MTUS2: variants seen among roughly 807,000 people sequenced by gnomAD.
The protein encoded by MTUS2 is microtubule-associated tumor suppressor candidate 2.
A neutral mutation model predicts 114.1 loss-of-function variants in MTUS2; 40 were observed. The observed-to-expected ratio is 0.35, with a 90% CI of 0.27 to 0.46. The LOEUF (loss-of-function observed/expected upper bound fraction) is 0.46. Ranked by LOEUF, MTUS2 falls within the 20% of genes least tolerant of loss-of-function variation. The pLI, the probability that MTUS2 is intolerant of heterozygous loss-of-function variation, is 1.00. For missense variants in MTUS2, 1,679 were observed against 1,705.4 expected, an observed-to-expected ratio of 0.98 and a Z score of 0.27; for synonymous variants, 688 against 672.0, an observed-to-expected ratio of 1.02 and a Z score of -0.37.
At chr13:29,006,138 C>T (rs1056476522) in intron 2 of MTUS2, among the ~76,000 whole-genome samples, 1 of 152,078 alleles carries the variant, frequency 6.6e-6, no homozygotes, top group African/African-American at 2.4e-5. Context: ...GGTAGGTGGA[C>T]GTGGAGCAGC....
intron 2 of MTUS2, among the ~76,000 whole-genome samples, chr13:28,998,312 C>A (rs1885214310): frequency 6.6e-6 from 1 of 152,202 alleles, no homozygotes; most frequent in Non-Finnish European, 1.5e-5. Flanking sequence ...TTCTCTCTGG[C>A]TGCCCTTAAC....
intron 5 of MTUS2, among the ~76,000 whole-genome samples, chr13:29,164,726 G>A (rs1448676725): frequency 6.6e-6 from 1 of 152,132 alleles, no homozygotes; most frequent in African/African-American, 2.4e-5. Context: ...AAGAAAAATG[G>A]TGGGTGATTT....
At chr13:28,913,750 T>C (rs1288713286) in intron 2 of MTUS2, among the ~76,000 whole-genome samples, 1 of 151,708 alleles carries the variant, frequency 6.6e-6, no homozygotes, top group African/African-American at 2.4e-5. Flanking sequence ...GGTCCTGGGC[T>C]TTTTTTTGGT....
At chr13:29,394,715 G>A (rs903765715) in intron 8 of MTUS2, among the ~76,000 whole-genome samples, 7 of 152,196 alleles carry the variant, frequency 4.6e-5, no homozygotes, top group Admixed American at 2.0e-4. Flanking sequence ...GGCTAACAGC[G>A]GGAGGTGTGC....
intron 8 of MTUS2, among the ~76,000 whole-genome samples, chr13:29,384,602 C>G (rs1872510996): frequency 6.6e-6 from 1 of 152,188 alleles, no homozygotes; most frequent in Admixed American, 6.5e-5. Flanking sequence ...TCATGATTAC[C>G]AAGGACCGTG....
intron 5 of MTUS2, among the ~76,000 whole-genome samples, chr13:29,219,788 T>G (rs554468120): frequency 6.2e-4 from 94 of 152,342 alleles, no homozygotes; most frequent in African/African-American, 2.2e-3. Context: ...GGAACCCACC[T>G]CTGCCAACTT....
chr13:29,505,818 G>T lies in MTUS2; in HGVS notation c.*2612G>T. 1 of 229,822 alleles carries T rather than the reference G, an allele frequency of 4.4e-6. No individual in the cohort carries two copies. Among genetic ancestry groups the T allele is most frequent in the African/African-American group, 2.2e-5 (1 of 45,188 alleles). 14.2% of individuals were successfully genotyped at this position (229,822 alleles called of 1,614,324 possible). ...TCTGGCTGGATGTCAGAATGGATGGGGGTGGGGGCAGCCCTGGCCGTGATT... is the reference window on the plus strand; with the variant it reads ...TCTGGCTGGATGTCAGAATGGATGGTGGTGGGGGCAGCCCTGGCCGTGATT... On this transcript the variant is annotated 3_prime_UTR_variant, in exon 16 of 16. Transcript: ENST00000612955.
chr13:29,213,737 T>C (rs1362657020), intron 5 of MTUS2, among the ~76,000 whole-genome samples: 1 of 152,204 alleles, frequency 6.6e-6, no homozygotes, highest in Non-Finnish European at 1.5e-5. Flanking sequence ...GTAGGCTTCT[T>C]ATAGGCCATA....
chr13:29,233,749 A>G (rs1306250743), intron 5 of MTUS2, among the ~76,000 whole-genome samples: 2 of 152,238 alleles, frequency 1.3e-5, no homozygotes, highest in South Asian at 2.1e-4. Context: ...TAAATCTAAC[A>G]TATCACCTGG....
At chr13:29,445,839 C>A (rs1360092307) in intron 9 of MTUS2, among the ~76,000 whole-genome samples, 1 of 151,550 alleles carries the variant, frequency 6.6e-6, no homozygotes, top group Non-Finnish European at 1.5e-5. Context: ...ACCTGGGAGG[C>A]GGATGTTGCA....
Position 29,084,526 on chromosome 13 carries a change from T to TC in MTUS2, c.2447-16246dup, listed in dbSNP as rs1356903723. 1.7e-3 allele frequency among the ~76,000 whole-genome samples: 75 copies of TC among 44,100 alleles called. 1 individual carries two copies. In the South Asian group the frequency reaches 0.023, roughly 13 times the overall value. 28.9% of individuals were successfully genotyped at this position (44,100 alleles called of 152,430 possible). Reference sequence around the variant, plus strand: ...CTTTTTCCTTTCCCCTCCCCTCCCCTCTCCCCCCCTTCTTTTCTTCTTTCC... The same window carrying TC: ...CTTTTTCCTTTCCCCTCCCCTCCCCTCCTCCCCCCCTTCTTTTCTTCTTTCC... On this transcript the variant is annotated intron_variant, in intron 4 of 15. Coordinates refer to ENST00000612955, the MANE Select transcript of MTUS2 (RefSeq NM_001033602.4).
At chr13:28,908,328 T>G (rs1385506339) in intron 2 of MTUS2, among the ~76,000 whole-genome samples, 2 of 151,334 alleles carry the variant, frequency 1.3e-5, no homozygotes, top group African/African-American at 4.9e-5. Flanking sequence ...TGGGTGATGT[T>G]CCCCTTCCTG....
chr13:29,185,982 G>T (rs1894207388), intron 5 of MTUS2, among the ~76,000 whole-genome samples: 1 of 152,138 alleles, frequency 6.6e-6, no homozygotes, highest in Admixed American at 6.5e-5. Flanking sequence ...TGAGGCAGGA[G>T]AATCACTTGA....
intron 2 of MTUS2, among the ~76,000 whole-genome samples, chr13:28,913,222 C>A (rs1471982157): frequency 6.6e-6 from 1 of 152,092 alleles, no homozygotes; most frequent in Non-Finnish European, 1.5e-5. Flanking sequence ...CAGCTTTTGC[C>A]CATTTAATAT....
chr13:29,315,803 G>A (rs1899964552), intron 6 of MTUS2, among the ~76,000 whole-genome samples: 1 of 152,224 alleles, frequency 6.6e-6, no homozygotes, highest in African/African-American at 2.4e-5. Context: ...ATGGTGTGGG[G>A]AAAGGGATTA....
At chr13:29,404,544 C>G (rs1170908409) in intron 8 of MTUS2, among the ~76,000 whole-genome samples, 1 of 152,118 alleles carries the variant, frequency 6.6e-6, no homozygotes, top group African/African-American at 2.4e-5. Flanking sequence ...AACCTCATCC[C>G]TCTCCACAGA....
intron 2 of MTUS2, among the ~76,000 whole-genome samples, chr13:28,964,870 C>T (rs1313766032): frequency 6.6e-6 from 1 of 151,560 alleles, no homozygotes; most frequent in Non-Finnish European, 1.5e-5. Flanking sequence ...CGTTCCCGAG[C>T]TCAACTCTGC....
chr13:29,104,802 A>G (rs1890585239), intron 5 of MTUS2, among the ~76,000 whole-genome samples: 1 of 152,218 alleles, frequency 6.6e-6, no homozygotes, highest in Admixed American at 6.5e-5. Flanking sequence ...GTAATTTTCT[A>G]ACTTAGAAAT....
rs540818524 is a variant in MTUS2 at position 28,930,908 on chromosome 13, TA to T, written c.-243+91059del. 1.0e-3 allele frequency among the ~76,000 whole-genome samples: 153 copies of T among 152,320 alleles called. 2 individuals are homozygous for T. The highest frequency in any genetic ancestry group is 2.9e-3 in the South Asian group (14 of 4,824). On this transcript the variant is annotated intron_variant, in intron 2 of 15. Coordinates refer to ENST00000612955, the MANE Select transcript of MTUS2 (RefSeq NM_001033602.4). ...TACAGGTAATTGCAATAACTCCTAC[TA>T]GTGGAGTTGAGAATAATTGGCCTTT...
Sources: gnomAD v4.1 joint callset for allele counts (sites outside exome capture counted in the v4.1 genomes callset) on GRCh38, gnomAD v4.1.1 for gene constraint, MANE v1.5 for transcripts, NCBI Gene and HGNC (gene_info 2026-07-23, HGNC 2026-07-21) for gene names.